The following SLC61A1 variants were observed in gnomAD, a reference collection of about 807,000 sequenced individuals.
SLC61A1 encodes the protein major facilitator superfamily domain containing 5.
chr12:53,252,869 C>T, the SLC61A1 span: 1 of 1,614,136 alleles, frequency 6.2e-7, no homozygotes, highest in South Asian at 1.1e-5. Flanking sequence ...TTTTGTAGGC[C>T]TCCTGGCCTC....
At chr12:53,251,864 G>T in the SLC61A1 span, 2 of 1,537,174 alleles carry the variant, frequency 1.3e-6, no homozygotes, top group African/African-American at 2.7e-5. Context: ...AGCACTGCAC[G>T]GAAGAAAAGA....
At chr12:53,252,748 G>A in the SLC61A1 span, 2 of 1,533,436 alleles carry the variant, frequency 1.3e-6, no homozygotes, top group South Asian at 2.5e-5. Context: ...GCTGCCATCT[G>A]CTTAAGACAG....
At chr12:53,252,339 G>A in the SLC61A1 span, 1 of 1,353,534 alleles carries the variant, frequency 7.4e-7, no homozygotes, top group Non-Finnish European at 9.4e-7. Context: ...GCGCAGTGGG[G>A]TGCCAGTGAC....
chr12:53,252,563 C>T, the SLC61A1 span: 18 of 1,368,152 alleles, frequency 1.3e-5, no homozygotes, highest in South Asian at 1.7e-5. Context: ...AAAGGGACTC[C>T]CTCTTCACAG....
At chr12:53,253,252 GTC>G in the SLC61A1 span, 1 of 1,614,246 alleles carries the variant, frequency 6.2e-7, no homozygotes, top group South Asian at 1.1e-5. Context: ...TTGGTGGGCT[GTC>G]CACAGCCCTG....
At chr12:53,253,488 C>T in the SLC61A1 span, 1 of 1,614,114 alleles carries the variant, frequency 6.2e-7, no homozygotes. Context: ...GGGGCCTTGG[C>T]CCTTCGAAAC....
chr12:53,251,848 T>G, the SLC61A1 span: 15 of 1,537,192 alleles, frequency 9.8e-6, no homozygotes, highest in Admixed American at 2.9e-4. Context: ...GCGGGCATCT[T>G]TCCCGAGCAC....
At chr12:53,253,463 C>T in the SLC61A1 span, 2 of 1,614,104 alleles carry the variant, frequency 1.2e-6, no homozygotes, top group Non-Finnish European at 1.7e-6. Context: ...TGCCATCCCT[C>T]TCCTGGCTCT....
At chr12:53,254,331 G>A in the SLC61A1 span, 15 of 1,030,688 alleles carry the variant, frequency 1.5e-5, no homozygotes, top group Non-Finnish European at 2.1e-5. Flanking sequence ...TGATGGGGGT[G>A]ATGGACTGGA....
chr12:53,251,979 G>A, the SLC61A1 span: 97 of 1,391,942 alleles, frequency 7.0e-5, no homozygotes, highest in Middle Eastern at 1.9e-4. Context: ...AGCAACCGCA[G>A]CCTCCTATGG....
At chr12:53,253,722 C>G in the SLC61A1 span, 1 of 1,614,082 alleles carries the variant, frequency 6.2e-7, no homozygotes, top group East Asian at 2.2e-5. Flanking sequence ...CTGCTTGGCT[C>G]TTCCCTGTAC....
At chr12:53,252,281 C>A in the SLC61A1 span, 2 of 1,394,554 alleles carry the variant, frequency 1.4e-6, no homozygotes, top group Non-Finnish European at 1.8e-6. Context: ...GAGGCGGAGT[C>A]TGGGCGAGGT....
At chr12:53,253,695 G>C in the SLC61A1 span, 11 of 1,614,044 alleles carry the variant, frequency 6.8e-6, no homozygotes, top group East Asian at 1.3e-4. Flanking sequence ...ATCTTCTCCA[G>C]CTTCATGGCA....
the SLC61A1 span, chr12:53,252,312 T>TG: frequency 1.5e-6 from 2 of 1,374,574 alleles, no homozygotes; most frequent in Non-Finnish European, 1.9e-6. Flanking sequence ...GTGGCAGGGC[T>TG]GGGCAGGGGC....
the SLC61A1 span, chr12:53,251,401 C>A: frequency 3.6e-6 from 1 of 277,902 alleles, no homozygotes; most frequent in Non-Finnish European, 6.8e-6. Context: ...TCATTGGAGG[C>A]TCTTGAGGAG....
chr12:53,251,639 C>T, the SLC61A1 span: 2 of 1,304,328 alleles, frequency 1.5e-6, no homozygotes, highest in East Asian at 5.0e-5. Flanking sequence ...GTGACAGGGG[C>T]AGGACTGCGC....
the SLC61A1 span, chr12:53,254,347 GGT>G: frequency 2.0e-5 from 17 of 848,028 alleles, no homozygotes; most frequent in East Asian, 8.0e-5. Flanking sequence ...CTGGAAAGAA[GGT>G]GCCAAAAGTT....
At chr12:53,252,818 G>C in the SLC61A1 span, 2 of 1,612,890 alleles carry the variant, frequency 1.2e-6, no homozygotes, top group Admixed American at 1.7e-5. Flanking sequence ...CTCTTCCCAG[G>C]TCGTCCGGGG....
At chr12:53,251,732 C>T in the SLC61A1 span, 3 of 1,534,514 alleles carry the variant, frequency 2.0e-6, no homozygotes, top group Non-Finnish European at 2.6e-6. Context: ...GCTTCTCTTG[C>T]ATGGAGGTCA....
Sources: gnomAD v4.1 joint callset for allele counts on GRCh38, gnomAD v4.1.1 for gene constraint, MANE v1.5 for transcripts, NCBI Gene and HGNC (gene_info 2026-07-23, HGNC 2026-07-21) for gene names.